Variants in CFH observed in about 807,000 individuals in gnomAD.
CFH encodes the protein complement factor H.
A neutral mutation model predicts 147.3 loss-of-function variants in CFH; 53 were observed. That is an observed-to-expected ratio of 0.36 (90% CI 0.29 to 0.45). The LOEUF (loss-of-function observed/expected upper bound fraction) is 0.45, where lower values mean the gene tolerates loss of function less well. Among genes scored for constraint, CFH ranks in the 20% least tolerant of loss-of-function variants. The probability of loss-of-function intolerance (pLI) is 1.00; values close to 1 mark genes in which losing one functional copy is unlikely to be tolerated. For missense variants in CFH, 1,380 were observed against 1,498.0 expected, an observed-to-expected ratio of 0.92 and a Z score of 1.30; for synonymous variants, 536 against 489.4, an observed-to-expected ratio of 1.10 and a Z score of -1.26.
At chr1:196,698,371 T>TA (rs1668349081) in intron 9 of CFH, among the ~76,000 whole-genome samples, 1 of 151,774 alleles carries the variant, frequency 6.6e-6, no homozygotes, top group African/African-American at 2.4e-5. Flanking sequence ...ATAGACACAA[T>TA]AAAAATGATA....
chr1:196,705,862 ATCC>A (rs1668572445), intron 9 of CFH, among the ~76,000 whole-genome samples: 1 of 152,192 alleles, frequency 6.6e-6, no homozygotes, highest in South Asian at 2.1e-4. Context: ...GTATCAGGTC[ATCC>A]TCCTGGATAA....
chr1:196,728,059 C>G (rs1669188673), intron 14 of CFH, among the ~76,000 whole-genome samples: 1 of 152,098 alleles, frequency 6.6e-6, no homozygotes, highest in African/African-American at 2.4e-5. Context: ...AATGTCCAAT[C>G]ATACTTATTT....
intron 19 of CFH, among the ~76,000 whole-genome samples, chr1:196,742,685 CAAAGT>C (rs1233312541): frequency 6.6e-6 from 1 of 152,104 alleles, no homozygotes; most frequent in Non-Finnish European, 1.5e-5. Context: ...TCAAAAGTCT[CAAAGT>C]AAAACCCTGA....
intron 7 of CFH, among the ~76,000 whole-genome samples, chr1:196,686,096 G>A (rs1290771134): frequency 6.6e-6 from 1 of 152,008 alleles, no homozygotes; most frequent in Non-Finnish European, 1.5e-5. Flanking sequence ...TAAACAACCA[G>A]GTCTCATGAG....
chr1:196,682,395 A>T (rs1277147687), intron 6 of CFH, among the ~76,000 whole-genome samples: 1 of 151,758 alleles, frequency 6.6e-6, no homozygotes, highest in African/African-American at 2.4e-5. Flanking sequence ...ATGTATTTTT[A>T]AAAAGATTAT....
At chr1:196,706,358 A>G (rs1284173012) in intron 9 of CFH, among the ~76,000 whole-genome samples, 1 of 152,208 alleles carries the variant, frequency 6.6e-6, no homozygotes, top group East Asian at 1.9e-4. Context: ...GAAAGTAGCT[A>G]TAATACACTA....
At chr1:196,717,828 G>C (rs1668908357) in intron 11 of CFH, among the ~76,000 whole-genome samples, 1 of 152,094 alleles carries the variant, frequency 6.6e-6, no homozygotes, top group Non-Finnish European at 1.5e-5. Context: ...TTGTGCTTTG[G>C]TGGCAACAGG....
In CFH at chr1:196,673,952, T is replaced by C; in HGVS notation, c.340T>C (p.Cys114Arg). ...ATATGGTGTAAAAGCTGTGTATACATGTAATGAGGGGTATGTAGTCCATAC... is the reference window on the plus strand; with the variant it reads ...ATATGGTGTAAAAGCTGTGTATACACGTAATGAGGGGTATGTAGTCCATAC... ...FEYGVKAVYT[C>R]NEGYQLLGEI... The change falls in exon 3 of 22, where the codon TGT (cysteine) becomes CGT (arginine). Residue 114 changes from cysteine (C) to arginine (R), a missense_variant. Around this residue, in one of 4 missense-constraint regions of CFH, gnomAD observed 260 missense variants for 263.3 expected, o/e 0.99. Transcript: ENST00000367429. 6.2e-7 allele frequency: 1 copy of C among 1,607,534 alleles called. No homozygotes were observed. Among genetic ancestry groups the C allele is most frequent in the Middle Eastern group, 1.7e-4 (1 of 6,052 alleles).
intron 6 of CFH, among the ~76,000 whole-genome samples, chr1:196,681,647 G>A (rs1421508192): frequency 6.6e-6 from 1 of 151,762 alleles, no homozygotes; most frequent in East Asian, 1.9e-4. Context: ...AAGGCACTGG[G>A]ATTGGGTACT....
At chr1:196,708,933 C>CA (rs1375293914) in intron 9 of CFH, among the ~76,000 whole-genome samples, 3 of 152,100 alleles carry the variant, frequency 2.0e-5, no homozygotes, top group Non-Finnish European at 4.4e-5. Context: ...AACTTATTGG[C>CA]AACCACAGAA....
At position 196,680,642 on chromosome 1, in the gene CFH, C is replaced by A. The variant is rs371464454; in HGVS notation, c.790+849C>A. 2.0e-5 allele frequency among the ~76,000 whole-genome samples: 3 copies of A among 151,798 alleles called. No individual in the cohort carries two copies. In the East Asian group the frequency reaches 5.8e-4, roughly 29 times the overall value. ...ATGAGGTCTGCTGCAATTAGTGAAA[C>A]AAGGAACAGTGTTACCACATATGGT... On this transcript the variant is annotated intron_variant, in intron 6 of 21. Transcript: ENST00000367429.
chr1:196,714,635 G>GTATATATATATATATATATA (rs1176351357), intron 10 of CFH, among the ~76,000 whole-genome samples: 5 of 24,914 alleles, frequency 2.0e-4, no homozygotes, highest in Non-Finnish European at 2.9e-4. Flanking sequence ...ACGTATATAT[G>GTATATATATATATATATATA]TATATATATA....
intron 9 of CFH, among the ~76,000 whole-genome samples, chr1:196,704,781 A>G (rs900084685): frequency 6.6e-6 from 1 of 152,246 alleles, no homozygotes; most frequent in African/African-American, 2.4e-5. Context: ...TGCCAGGACA[A>G]AAACATGGAA....
At chr1:196,656,822 A>G (rs1666710827) in intron 1 of CFH, among the ~76,000 whole-genome samples, 1 of 152,108 alleles carries the variant, frequency 6.6e-6, no homozygotes. Context: ...AAGTTGTGGA[A>G]TTTCAACCCA....
chr1:196,699,952 A>C (rs1005586365), intron 9 of CFH, among the ~76,000 whole-genome samples: 2 of 152,148 alleles, frequency 1.3e-5, no homozygotes, highest in African/African-American at 4.8e-5. Context: ...CTTTGTCACT[A>C]GAATCTTTGT....
intron 17 of CFH, 109 bp from the exon 18 acceptor site, chr1:196,740,510 A>C: frequency 2.8e-6 from 3 of 1,058,012 alleles, no homozygotes; most frequent in Non-Finnish European, 4.2e-6. Context: ...GTGATGTCAT[A>C]GTAGCTCCTG....
At chr1:196,712,741 T>C (rs949290762) in intron 9 of CFH, among the ~76,000 whole-genome samples, 9 of 149,136 alleles carry the variant, frequency 6.0e-5, no homozygotes, top group Non-Finnish European at 1.0e-4. Flanking sequence ...GCATTACGTA[T>C]ATCTCCTAAT....
rs371364024 is a variant in CFH, at chr1:196,745,810, T to C, written c.3311-7T>C. 2.5e-5 allele frequency: 40 copies of C among 1,614,058 alleles called. No individual in the cohort carries two copies. The East Asian group carries it at 7.4e-4, about 30-fold the overall frequency. ...AACAAATCAAGTGATGAAATGATGT[T>C]TTTTAGATTCTACAGGAAAATGTGG... On this transcript the variant is annotated splice_polypyrimidine_tract_variant and splice_region_variant and intron_variant, in intron 20 of 21. Coordinates refer to ENST00000367429, the MANE Select transcript of CFH (RefSeq NM_000186.4).
At chr1:196,731,630 T>C (rs1179753476) in intron 15 of CFH, among the ~76,000 whole-genome samples, 2 of 152,030 alleles carry the variant, frequency 1.3e-5, no homozygotes, top group Non-Finnish European at 2.9e-5. Flanking sequence ...ATTAGCATCC[T>C]CTTCTTTCAC....
Sources: gnomAD v4.1 joint callset for allele counts (sites outside exome capture counted in the v4.1 genomes callset) on GRCh38, gnomAD v4.1.1 for gene constraint, gnomAD v4.1.1 regional missense constraint, MANE v1.5 for transcripts, NCBI Gene and HGNC (gene_info 2026-07-23, HGNC 2026-07-21) for gene names.